Variants in FCHSD2 observed in about 807,000 individuals in gnomAD.
The protein encoded by FCHSD2 is FCH and double SH3 domains 2.
Under a neutral mutation model 108.1 loss-of-function variants are expected in FCHSD2, and 38 were observed. The ratio of observed to expected loss-of-function variants is 0.35; its 90% CI spans 0.27 to 0.46. The LOEUF is 0.46. Among genes scored for constraint, FCHSD2 ranks in the 20% least tolerant of loss-of-function variants. The pLI, the probability that FCHSD2 is intolerant of heterozygous loss-of-function variation, is 1.00. For missense variants in FCHSD2, 751 were observed against 897.8 expected, an observed-to-expected ratio of 0.84 and a Z score of 2.09; for synonymous variants, 279 against 314.7, an observed-to-expected ratio of 0.89 and a Z score of 1.20.
intron 8 of FCHSD2, among the ~76,000 whole-genome samples, chr11:72,945,263 A>T (rs1856497640): frequency 6.6e-6 from 1 of 152,188 alleles, no homozygotes; most frequent in African/African-American, 2.4e-5. Flanking sequence ...CAACTATCTG[A>T]TCTTTGACAA....
intron 3 of FCHSD2, among the ~76,000 whole-genome samples, chr11:73,035,177 T>TGTAC (rs1382875458): frequency 5.3e-5 from 7 of 132,654 alleles, no homozygotes; most frequent in African/African-American, 2.0e-4. Flanking sequence ...TATGTATGTA[T>TGTAC]GTATGTATGT....
chr11:72,901,262 T>A (rs1341856678), intron 10 of FCHSD2, among the ~76,000 whole-genome samples: 1 of 151,938 alleles, frequency 6.6e-6, no homozygotes, highest in Non-Finnish European at 1.5e-5. Flanking sequence ...CCAGGCACAG[T>A]GGTGCGTGCC....
chr11:73,090,599 T>C (rs1232459081), intron 2 of FCHSD2, among the ~76,000 whole-genome samples: 1 of 152,102 alleles, frequency 6.6e-6, no homozygotes, highest in Non-Finnish European at 1.5e-5. Context: ...CTGGTTCCCT[T>C]AGAAATCACT....
intron 13 of FCHSD2, among the ~76,000 whole-genome samples, chr11:72,855,392 C>T (rs907375005): frequency 1.5e-4 from 23 of 152,178 alleles, no homozygotes; most frequent in African/African-American, 5.3e-4. Context: ...AGGAGAATCA[C>T]TTGAACCCGG....
At chr11:73,130,331 C>A (rs745755939) in intron 2 of FCHSD2, among the ~76,000 whole-genome samples, 1 of 152,166 alleles carries the variant, frequency 6.6e-6, no homozygotes, top group Non-Finnish European at 1.5e-5. Context: ...TATCATAGCT[C>A]ACTGTGGGCT....
intron 3 of FCHSD2, among the ~76,000 whole-genome samples, chr11:73,025,008 C>T (rs562608719): frequency 7.2e-5 from 11 of 152,126 alleles, no homozygotes; most frequent in African/African-American, 1.9e-4. Flanking sequence ...TTGGCAAGGT[C>T]GTGGAGAAAA....
intron 12 of FCHSD2, among the ~76,000 whole-genome samples, chr11:72,880,646 T>A (rs1308150476): frequency 1.3e-5 from 2 of 152,006 alleles, no homozygotes; most frequent in Non-Finnish European, 2.9e-5. Context: ...CTGGGCACAG[T>A]GGCTCACACC....
chr11:72,982,937 G>C (rs1157625673), intron 8 of FCHSD2, among the ~76,000 whole-genome samples: 1 of 152,114 alleles, frequency 6.6e-6, no homozygotes, highest in Non-Finnish European at 1.5e-5. Context: ...TAGGAGGGAG[G>C]ATCACTTGAA....
chr11:72,949,137 G>C (rs1199364948), intron 8 of FCHSD2, among the ~76,000 whole-genome samples: 1 of 151,904 alleles, frequency 6.6e-6, no homozygotes, highest in African/African-American at 2.4e-5. Flanking sequence ...CCTAATTCCA[G>C]AACATTTTTA....
intron 14 of FCHSD2, chr11:72,843,792 C>T (rs1861040126): frequency 2.5e-6 from 1 of 392,998 alleles, no homozygotes; most frequent in African/African-American, 2.1e-5. Context: ...ACATGTAAGC[C>T]TGGGCAACAC....
chr11:72,967,007 G>A (rs908004707), intron 8 of FCHSD2, among the ~76,000 whole-genome samples: 99 of 151,954 alleles, frequency 6.5e-4, no homozygotes, highest in Non-Finnish European at 7.4e-5. Context: ...GACCATCCTG[G>A]CTAACACAGT....
At chr11:72,857,365 T>C (rs563452718) in intron 13 of FCHSD2, among the ~76,000 whole-genome samples, 55 of 152,208 alleles carry the variant, frequency 3.6e-4, no homozygotes, top group African/African-American at 1.3e-3. Flanking sequence ...TTGACAGAAC[T>C]TCAATCAAAA....
intron 8 of FCHSD2, among the ~76,000 whole-genome samples, chr11:72,975,569 A>G (rs1857089046): frequency 6.6e-6 from 1 of 152,184 alleles, no homozygotes; most frequent in African/African-American, 2.4e-5. Flanking sequence ...GGATATCTCA[A>G]TTACCCCCAT....
At chr11:73,128,210 G>A (rs1200427015) in intron 2 of FCHSD2, among the ~76,000 whole-genome samples, 1 of 152,062 alleles carries the variant, frequency 6.6e-6, no homozygotes, top group East Asian at 1.9e-4. Context: ...TAATTTCTAT[G>A]GAGTCTCTAA....
At chr11:72,910,051 G>C (rs1163512768) in intron 9 of FCHSD2, among the ~76,000 whole-genome samples, 6 of 150,382 alleles carry the variant, frequency 4.0e-5, no homozygotes. Context: ...TGGGAAGTGA[G>C]GAGCACCTCT....
chr11:73,118,863 C>T (rs1482418050), intron 2 of FCHSD2, among the ~76,000 whole-genome samples: 2 of 152,134 alleles, frequency 1.3e-5, no homozygotes, highest in Admixed American at 1.3e-4. Context: ...CAAGGTCATA[C>T]AACTAGGGGA....
intron 2 of FCHSD2, among the ~76,000 whole-genome samples, chr11:73,085,613 A>AGGG: frequency 6.6e-6 from 1 of 152,104 alleles, no homozygotes; most frequent in South Asian, 2.1e-4. Context: ...ACACAAACCC[A>AGGG]CGGGAAGGTG....
At chr11:73,012,198 T>C (rs1467693345) in intron 4 of FCHSD2, among the ~76,000 whole-genome samples, 1 of 152,190 alleles carries the variant, frequency 6.6e-6, no homozygotes, top group Non-Finnish European at 1.5e-5. Context: ...TTAAAAAGAA[T>C]GAGGGACCAG....
At chr11:73,042,571 T>A (rs1048342033) in intron 3 of FCHSD2, among the ~76,000 whole-genome samples, 1 of 152,204 alleles carries the variant, frequency 6.6e-6, no homozygotes, top group Non-Finnish European at 1.5e-5. Context: ...ATTTTTAGAA[T>A]TGTTTTTTCT....
Sources: gnomAD v4.1 joint callset for allele counts (sites outside exome capture counted in the v4.1 genomes callset) on GRCh38, gnomAD v4.1.1 for gene constraint, MANE v1.5 for transcripts, NCBI Gene and HGNC (gene_info 2026-07-23, HGNC 2026-07-21) for gene names.